Variants in DHRSX observed in about 807,000 individuals in gnomAD.
DHRSX encodes polyprenol dehydrogenase.
DHRSX carries 31 observed loss-of-function variants against 34.0 expected under a neutral mutation model. That is an observed-to-expected ratio of 0.91 (90% CI 0.69 to 1.23). The LOEUF (loss-of-function observed/expected upper bound fraction) is 1.23, where lower values mean the gene tolerates loss of function less well. DHRSX is among the 50% of genes most tolerant of loss of function. The pLI is 0.00. For synonymous variants in DHRSX, 201 were observed against 183.8 expected (o/e 1.09, Z -0.76); for missense variants, 414 against 428.1 (o/e 0.97, Z 0.29).
chrX:2,490,892 G>C, intron 1 of DHRSX: 1 of 828,978 alleles, frequency 1.2e-6, no homozygotes, highest in South Asian at 1.7e-5. Context: ...CACTGGGGCC[G>C]GACGGCTGGA....
Position 2,431,274 on chromosome X carries a change from G to A in DHRSX, c.110-5970C>T, listed in dbSNP as rs752454361. ...TGGGAGGTAGAGCTTGCAGTGAGCC[G>A]AGATTGTGCCACTGCACTCCAGCCT... On this transcript the variant is annotated intron_variant, in intron 1 of 6. Transcript: ENST00000334651. Among the ~76,000 whole-genome samples the A allele has an allele frequency of 1.6e-3, 234 of 144,874 alleles. 1 individual carries two copies. Among genetic ancestry groups the A allele is most frequent in the African/African-American group, 5.8e-3 (224 of 38,580 alleles).
chrX:2,451,036 A>G (rs2044209608), intron 1 of DHRSX, among the ~76,000 whole-genome samples: 1 of 152,064 alleles, frequency 6.6e-6, no homozygotes, highest in Non-Finnish European at 1.5e-5. Flanking sequence ...CACGATCTTA[A>G]ACCTCCAACC....
chrX:2,363,773 A>C (rs1464854218), intron 3 of DHRSX, among the ~76,000 whole-genome samples: 1 of 152,034 alleles, frequency 6.6e-6, no homozygotes, highest in African/African-American at 2.4e-5. Flanking sequence ...TCATGCTGCC[A>C]TTTTATCACC....
intron 3 of DHRSX, among the ~76,000 whole-genome samples, chrX:2,346,409 C>T (rs897154255): frequency 6.6e-6 from 1 of 152,118 alleles, no homozygotes; most frequent in Admixed American, 6.6e-5. Context: ...GGCACCATTT[C>T]TCTGCAAATC....
intron 1 of DHRSX, among the ~76,000 whole-genome samples, chrX:2,427,777 G>A (rs2043867777): frequency 6.6e-6 from 1 of 152,060 alleles, no homozygotes; most frequent in Admixed American, 6.6e-5. Flanking sequence ...ATTATTATAG[G>A]CACATATGAT....
At chrX:2,451,702 G>A (rs2044220312) in intron 1 of DHRSX, among the ~76,000 whole-genome samples, 1 of 152,190 alleles carries the variant, frequency 6.6e-6, no homozygotes, top group Non-Finnish European at 1.5e-5. Context: ...CCACATGAGA[G>A]TCAGAGACAC....
In DHRSX at chrX:2,467,496, G is replaced by A. The variant is rs192780225; in HGVS notation, c.109+33321C>T. Among the ~76,000 whole-genome samples the A allele has an allele frequency of 1.6e-3, 240 of 152,092 alleles. 1 individual carries two copies. The highest frequency in any genetic ancestry group is 5.3e-3 in the African/African-American group (220 of 41,522). ...CAGGACTGTAACAGGGACAACGTGC[G>A]GCACACCAAACACCAGAAACAGGAG... On this transcript the variant is annotated intron_variant, in intron 1 of 6. Transcript: ENST00000334651.
At chrX:2,447,097 C>A (rs1451053074) in intron 1 of DHRSX, among the ~76,000 whole-genome samples, 1 of 151,388 alleles carries the variant, frequency 6.6e-6, no homozygotes, top group Admixed American at 6.6e-5. Flanking sequence ...GTACACAAAC[C>A]GTGTACACAC....
At chrX:2,445,316 C>T (rs2044116102) in intron 1 of DHRSX, among the ~76,000 whole-genome samples, 1 of 152,064 alleles carries the variant, frequency 6.6e-6, no homozygotes, top group Admixed American at 6.5e-5. Flanking sequence ...TATATTTTGC[C>T]GTGACCAGGA....
intron 6 of DHRSX, among the ~76,000 whole-genome samples, chrX:2,230,697 A>G (rs189775465): frequency 7.2e-5 from 11 of 152,246 alleles, no homozygotes; most frequent in Non-Finnish European, 1.5e-4. Flanking sequence ...TTACTAGAAA[A>G]GGAATTCCAC....
intron 4 of DHRSX, among the ~76,000 whole-genome samples, chrX:2,269,142 ATC>A: frequency 6.6e-6 from 1 of 152,250 alleles, no homozygotes; most frequent in African/African-American, 2.4e-5. Context: ...ATATGGAGCT[ATC>A]TATACATATA....
At chrX:2,227,270 A>G (rs2015688337) in intron 6 of DHRSX, among the ~76,000 whole-genome samples, 1 of 151,980 alleles carries the variant, frequency 6.6e-6, no homozygotes, top group Admixed American at 6.6e-5. Flanking sequence ...TTCAAAGGTC[A>G]GTGAAGGGTT....
At chrX:2,449,257 A>C (rs1294768273) in intron 1 of DHRSX, among the ~76,000 whole-genome samples, 1 of 151,510 alleles carries the variant, frequency 6.6e-6, no homozygotes, top group African/African-American at 2.4e-5. Flanking sequence ...TGATCACACG[A>C]GGTCATCTCA....
In DHRSX at chrX:2,268,124, A is replaced by G. The variant is rs778115600; in HGVS notation, c.389-1177T>C. Among the ~76,000 whole-genome samples the G allele has an allele frequency of 3.1e-3, 479 of 152,268 alleles. 4 individuals carry two copies. Among genetic ancestry groups the G allele is most frequent in the African/African-American group, 0.011 (467 of 41,544 alleles). On this transcript the variant is annotated intron_variant, in intron 4 of 6. Transcript: ENST00000334651. The stretch of plus-strand genomic sequence containing the variant: ...ATTCTATAGACATCATCATCACCGC[A>G]GGTTCTGTGCTTGACATGTTCTATC...
intron 3 of DHRSX, among the ~76,000 whole-genome samples, chrX:2,304,917 G>A (rs1354966975): frequency 1.3e-5 from 2 of 151,950 alleles, no homozygotes; most frequent in Non-Finnish European, 2.9e-5. Flanking sequence ...TATGTTCATT[G>A]CAGCACTATT....
intron 6 of DHRSX, among the ~76,000 whole-genome samples, chrX:2,237,041 T>C (rs1321481394): frequency 4.6e-5 from 7 of 151,754 alleles, no homozygotes; most frequent in Non-Finnish European, 1.0e-4. Flanking sequence ...ATGTAAAAAT[T>C]AGCCAGGCGT....
rs181312000 is a variant in DHRSX, at chrX:2,461,679, C to T, written c.110-36375G>A. Among the ~76,000 whole-genome samples, 408 of 152,246 alleles carry T rather than the reference C, an allele frequency of 2.7e-3. 3 individuals are homozygous for T. The highest frequency in any genetic ancestry group is 9.2e-3 in the African/African-American group (382 of 41,548). On this transcript the variant is annotated intron_variant, in intron 1 of 6. Coordinates refer to ENST00000334651, the MANE Select transcript of DHRSX (RefSeq NM_145177.3). Reference sequence around the variant, plus strand: ...ACCTCAGCCACCCAGGTAGCTGTGACCACACACGCGTGGCACCATGTTTGG... The same window carrying T: ...ACCTCAGCCACCCAGGTAGCTGTGATCACACACGCGTGGCACCATGTTTGG...
At chrX:2,496,819 AT>A (rs2045296711) in intron 1 of DHRSX, among the ~76,000 whole-genome samples, 1 of 149,824 alleles carries the variant, frequency 6.7e-6, no homozygotes, top group South Asian at 2.1e-4. Flanking sequence ...TTACATCTAA[AT>A]TATATAAATA....
chrX:2,455,739 C>G (rs1321374935), intron 1 of DHRSX, among the ~76,000 whole-genome samples: 1 of 91,538 alleles, frequency 1.1e-5, no homozygotes, highest in Non-Finnish European at 2.2e-5. Flanking sequence ...AAAACTTCGT[C>G]TCAAAAAAAA....
Sources: allele counts gnomAD v4.1 joint callset (sites outside exome capture counted in the v4.1 genomes callset), GRCh38; gene constraint gnomAD v4.1.1; transcripts MANE v1.5; gene names NCBI Gene and HGNC (gene_info 2026-07-23, HGNC 2026-07-21).